POLA1: variants seen among roughly 807,000 people sequenced by gnomAD.
POLA1 encodes the protein DNA polymerase alpha catalytic subunit.
In POLA1, 15 loss-of-function variants were observed where a neutral mutation model predicts 124.0. The ratio of observed to expected loss-of-function variants is 0.12; its 90% confidence interval spans 0.08 to 0.19. The LOEUF (loss-of-function observed/expected upper bound fraction) is 0.19, where lower values mean the gene tolerates loss of function less well. Among genes scored for constraint, POLA1 ranks in the 10% least tolerant of loss-of-function variants. The pLI is 1.00. For missense variants in POLA1, 886 were observed against 1,103.4 expected, an observed-to-expected ratio of 0.80 and a Z score of 2.79; for synonymous variants, 408 against 389.4, an observed-to-expected ratio of 1.05 and a Z score of -0.56.
chrX:24,708,974 G>T (rs1285815602), intron 4 of POLA1, among the ~76,000 whole-genome samples: 1 of 79,160 alleles, frequency 1.3e-5, no homozygotes, highest in African/African-American at 4.4e-5. Context: ...GGGCAGAGGC[G>T]CCCCTCACCT....
intron 34 of POLA1, among the ~76,000 whole-genome samples, chrX:24,860,869 T>G (rs905490589): frequency 1.8e-5 from 2 of 112,103 alleles, no homozygotes; most frequent in African/African-American, 6.5e-5. Flanking sequence ...TGGATAAAGC[T>G]TTCTCTGAGC....
In POLA1 at chrX:24,716,370, A is replaced by G. The variant is rs764711304; in HGVS notation, c.534A>G (p.Gln178=). 4 of 1,158,131 alleles carry G rather than the reference A, an allele frequency of 3.5e-6. No individual in the cohort carries two copies. The highest frequency in any genetic ancestry group is 4.4e-5 in the Admixed American group (2 of 45,931). ...CTTACCTTTCCTTTTAGACACCTCA[A>G]ATAACTCCACCACCTGTAATGATAC... The part of the protein sequence containing the change: ...ILQDLNTETP[Q]ITPPPVMILK... The change falls in exon 7 of 37, where the codon CAA becomes CAG. Residue 178 remains glutamine (Q), a synonymous_variant. Transcript: ENST00000379068.
intron 35 of POLA1, among the ~76,000 whole-genome samples, 163 bp downstream of exon 35, chrX:24,888,285 CT>C (rs2047090911): frequency 4.5e-5 from 5 of 112,019 alleles, no homozygotes; most frequent in African/African-American, 1.3e-4. Context: ...TACATGCTTT[CT>C]TTTTTTCACA....
intron 26 of POLA1, among the ~76,000 whole-genome samples, chrX:24,759,309 A>G (rs1271470189): frequency 1.8e-5 from 2 of 112,327 alleles, no homozygotes; most frequent in African/African-American, 6.5e-5. Context: ...TTGTATTAAC[A>G]CAAAACAAAA....
At position 24,774,516 on chromosome X, in the gene POLA1, A is replaced by G. The variant is rs1185889847; in HGVS notation, c.2964+25524A>G. Among the ~76,000 whole-genome samples, 3 of 111,462 alleles carry G rather than the reference A, an allele frequency of 2.7e-5. No individual in the cohort carries two copies. In the Admixed American group the frequency reaches 2.9e-4, roughly 11 times the overall value. On this transcript the variant is annotated intron_variant, in intron 26 of 36. Transcript: ENST00000379068. Reference sequence around the variant, plus strand: ...GTGGACTTTACCTTTTTTGCTCAGCAGCTCTGGGCACTGGGTTTCTCTGCT... The same window carrying G: ...GTGGACTTTACCTTTTTTGCTCAGCGGCTCTGGGCACTGGGTTTCTCTGCT...
intron 32 of POLA1, among the ~76,000 whole-genome samples, chrX:24,828,390 G>A (rs1337878392): frequency 8.9e-6 from 1 of 112,011 alleles, no homozygotes; most frequent in Admixed American, 9.4e-5. Flanking sequence ...GTAGCCGGCT[G>A]TGATTCCAAA....
At chrX:24,972,078 C>G (rs916560993) in intron 36 of POLA1, among the ~76,000 whole-genome samples, 14 of 110,413 alleles carry the variant, frequency 1.3e-4, no homozygotes, top group African/African-American at 4.3e-4. Flanking sequence ...AAGCGATTCT[C>G]CTGCCTCAGC....
chrX:24,857,972 G>A (rs924366056), intron 34 of POLA1, among the ~76,000 whole-genome samples: 4 of 111,590 alleles, frequency 3.6e-5, no homozygotes, highest in Non-Finnish European at 7.5e-5. Context: ...TAATTACCAT[G>A]TGCTATATAT....
intron 21 of POLA1, 141 bp from the exon 22 acceptor site, chrX:24,741,861 C>CTT: frequency 5.9e-5 from 22 of 373,475 alleles, no homozygotes; most frequent in Non-Finnish European, 6.6e-5. Flanking sequence ...AATTTAGTAC[C>CTT]TTTTTTTTTT....
chrX:24,818,417 A>G (rs993168456), intron 30 of POLA1, among the ~76,000 whole-genome samples: 3 of 111,767 alleles, frequency 2.7e-5, no homozygotes, highest in Non-Finnish European at 5.6e-5. Flanking sequence ...AACTTCACGT[A>G]TTCCAAGTTT....
chrX:24,909,198 T>C (rs1258704913), intron 35 of POLA1, among the ~76,000 whole-genome samples: 1 of 111,923 alleles, frequency 8.9e-6, no homozygotes, highest in East Asian at 2.8e-4. Flanking sequence ...CTGTTTGCTC[T>C]GATGGTAGTT....
intron 10 of POLA1, among the ~76,000 whole-genome samples, chrX:24,719,467 C>T (rs182101165): frequency 1.4e-4 from 16 of 111,723 alleles, no homozygotes; most frequent in African/African-American, 5.2e-4. Flanking sequence ...TATACCCCCT[C>T]ACCTCTTTGA....
chrX:24,884,103 A>G (rs1344718770), intron 34 of POLA1, among the ~76,000 whole-genome samples: 1 of 111,614 alleles, frequency 9.0e-6, no homozygotes, highest in African/African-American at 3.3e-5. Context: ...TAAGATTTGC[A>G]TCATCATGGA....
intron 19 of POLA1, among the ~76,000 whole-genome samples, chrX:24,738,219 CAAAAAA>C (rs755084911): frequency 1.8e-4 from 2 of 11,239 alleles, no homozygotes; most frequent in Non-Finnish European, 5.0e-4. Flanking sequence ...GACTCCGTCT[CAAAAAA>C]AAAAAAAAAA....
intron 4 of POLA1, among the ~76,000 whole-genome samples, chrX:24,711,102 T>C (rs1165114743): frequency 9.0e-6 from 1 of 111,439 alleles, no homozygotes; most frequent in African/African-American, 3.3e-5. Context: ...CCCACCTCAG[T>C]GTCCCGAGTA....
intron 35 of POLA1, among the ~76,000 whole-genome samples, chrX:24,921,003 TA>T (rs1307225180): frequency 4.5e-5 from 5 of 112,167 alleles, no homozygotes; most frequent in African/African-American, 1.6e-4. Flanking sequence ...GTTTTGACTC[TA>T]CCAGTTTTTC....
At chrX:24,920,803 A>G (rs1441963909) in intron 35 of POLA1, among the ~76,000 whole-genome samples, 1 of 112,192 alleles carries the variant, frequency 8.9e-6, no homozygotes, top group Admixed American at 9.4e-5. Context: ...AATTGACATT[A>G]ATCTATCATG....
intron 10 of POLA1, among the ~76,000 whole-genome samples, chrX:24,718,819 T>C (rs1341905875): frequency 9.0e-6 from 1 of 111,640 alleles, no homozygotes; most frequent in Non-Finnish European, 1.9e-5. Flanking sequence ...CCCTGGTGGC[T>C]GGAGAGGAGA....
intron 15 of POLA1, 114 bp from the exon 16 acceptor site, chrX:24,732,256 A>G: frequency 1.9e-6 from 1 of 533,068 alleles, no homozygotes; most frequent in Non-Finnish European, 3.2e-6. Context: ...CGCCTGGCCA[A>G]ACTTTTCATA....
Sources: allele counts gnomAD v4.1 joint callset (sites outside exome capture counted in the v4.1 genomes callset), GRCh38; gene constraint gnomAD v4.1.1; transcripts MANE v1.5; gene names NCBI Gene and HGNC (gene_info 2026-07-23, HGNC 2026-07-21).